Variants in CPEB3 observed in about 807,000 individuals in gnomAD.
CPEB3 encodes the protein cytoplasmic polyadenylation element-binding protein 3.
Under a neutral mutation model 67.2 loss-of-function variants are expected in CPEB3, and 20 were observed. The ratio of observed to expected loss-of-function variants is 0.30; its 90% confidence interval spans 0.21 to 0.43. CPEB3 has a LOEUF of 0.43. CPEB3 is among the 20% of genes least tolerant of loss of function. The pLI, the probability that CPEB3 is intolerant of heterozygous loss-of-function variation, is 1.00. For synonymous variants in CPEB3, 376 were observed against 393.1 expected, an observed-to-expected ratio of 0.96 and a Z score of 0.51; for missense variants, 746 against 968.6, an observed-to-expected ratio of 0.77 and a Z score of 3.05.
At chr10:92,191,917 T>C (rs1360819400) in intron 3 of CPEB3, among the ~76,000 whole-genome samples, 2 of 152,200 alleles carry the variant, frequency 1.3e-5, no homozygotes, top group East Asian at 3.8e-4. Flanking sequence ...TTCTGCCTTA[T>C]ATTTAACCCA....
intron 2 of CPEB3, among the ~76,000 whole-genome samples, chr10:92,226,096 C>CA (rs557862921): frequency 3.4e-5 from 5 of 148,982 alleles, no homozygotes; most frequent in East Asian, 3.9e-4. Context: ...GGCTCCATCT[C>CA]AAAAAAAAAA....
chr10:92,131,603 C>T (rs1364316825), intron 6 of CPEB3, among the ~76,000 whole-genome samples: 2 of 152,048 alleles, frequency 1.3e-5, no homozygotes, highest in Non-Finnish European at 2.9e-5. Flanking sequence ...TATAAGACAT[C>T]GTTGACTAAG....
At chr10:92,115,245 C>T (rs1007754172) in intron 6 of CPEB3, among the ~76,000 whole-genome samples, 1 of 152,220 alleles carries the variant, frequency 6.6e-6, no homozygotes, top group Non-Finnish European at 1.5e-5. Flanking sequence ...CCTCCGCCTC[C>T]CGGATTCAAG....
chr10:92,197,480 C>T (rs1849297635), intron 2 of CPEB3, among the ~76,000 whole-genome samples: 2 of 152,160 alleles, frequency 1.3e-5, no homozygotes. Context: ...ACCTGTTAGA[C>T]CTTTTTTTAT....
At chr10:92,267,262 CTCT>C (rs1456198365) in intron 1 of CPEB3, among the ~76,000 whole-genome samples, 2 of 152,288 alleles carry the variant, frequency 1.3e-5, no homozygotes, top group African/African-American at 4.8e-5. Flanking sequence ...TTGTTACATA[CTCT>C]TCTTGTTCTT....
At chr10:92,214,079 C>A (rs150218454) in intron 2 of CPEB3, among the ~76,000 whole-genome samples, 4 of 152,214 alleles carry the variant, frequency 2.6e-5, no homozygotes, top group African/African-American at 7.2e-5. Flanking sequence ...GTCACCCATC[C>A]CACCTGCTAT....
intron 7 of CPEB3, among the ~76,000 whole-genome samples, chr10:92,097,285 A>G (rs891668710): frequency 2.0e-4 from 31 of 152,364 alleles, no homozygotes; most frequent in African/African-American, 6.7e-4. Flanking sequence ...AGGCTAAATA[A>G]AATTATCTGC....
chr10:92,283,716 TTC>T (rs1277395424), intron 1 of CPEB3, among the ~76,000 whole-genome samples: 1 of 142,988 alleles, frequency 7.0e-6, no homozygotes, highest in African/African-American at 2.6e-5. Context: ...TTTTTTCTTT[TTC>T]TTTCTTTTTT....
At chr10:92,102,050 T>C (rs1159289040) in intron 7 of CPEB3, among the ~76,000 whole-genome samples, 2 of 152,236 alleles carry the variant, frequency 1.3e-5, no homozygotes, top group Non-Finnish European at 2.9e-5. Flanking sequence ...CACACTGATA[T>C]TGGCATCTCA....
chr10:92,069,069 C>T (rs1182469731), intron 9 of CPEB3, among the ~76,000 whole-genome samples: 1 of 152,178 alleles, frequency 6.6e-6, no homozygotes, highest in Non-Finnish European at 1.5e-5. Context: ...AGTCTGAGAA[C>T]AGGTCATCTC....
At chr10:92,225,739 C>CA (rs150002642) in intron 2 of CPEB3, among the ~76,000 whole-genome samples, 1 of 151,952 alleles carries the variant, frequency 6.6e-6, no homozygotes, top group Non-Finnish European at 1.5e-5. Flanking sequence ...TACACAGACA[C>CA]AAAAAAGAAA....
intron 2 of CPEB3, among the ~76,000 whole-genome samples, chr10:92,204,890 G>A (rs952817599): frequency 6.1e-5 from 9 of 147,984 alleles, no homozygotes; most frequent in South Asian, 2.1e-4. Context: ...ACCCAGGCTG[G>A]AGTAAAGTGG....
chr10:92,056,937 C>A (rs1452523291), intron 9 of CPEB3, among the ~76,000 whole-genome samples: 3 of 152,202 alleles, frequency 2.0e-5, no homozygotes, highest in Non-Finnish European at 4.4e-5. Context: ...CTTTTCCAGG[C>A]CCTACCTCCC....
intron 1 of CPEB3, among the ~76,000 whole-genome samples, chr10:92,282,586 T>A (rs1842346004): frequency 6.6e-6 from 1 of 151,948 alleles, no homozygotes; most frequent in Non-Finnish European, 1.5e-5. Context: ...CTCAGGAGGC[T>A]GAAGCAGGAG....
At chr10:92,280,367 A>AAAAG (rs1842216508) in intron 1 of CPEB3, among the ~76,000 whole-genome samples, 3 of 129,380 alleles carry the variant, frequency 2.3e-5, no homozygotes, top group Admixed American at 8.1e-5. Flanking sequence ...AAAAAAAAAA[A>AAAAG]AGAGAGAGAG....
intron 2 of CPEB3, among the ~76,000 whole-genome samples, chr10:92,228,244 A>G (rs1184720348): frequency 6.6e-6 from 1 of 152,224 alleles, no homozygotes; most frequent in Non-Finnish European, 1.5e-5. Flanking sequence ...CCACAAAATC[A>G]AATGCAAACA....
intron 3 of CPEB3, among the ~76,000 whole-genome samples, chr10:92,185,037 A>G (rs997382389): frequency 6.6e-6 from 1 of 152,218 alleles, no homozygotes; most frequent in Admixed American, 6.5e-5. Flanking sequence ...AGAAAAACTG[A>G]TTCCAAATTC....
rs1179382221 is a variant in CPEB3 at position 92,048,740 on chromosome 10, A to G, written c.*3472T>C. 2.0e-5 allele frequency: 3 copies of G among 152,676 alleles called. No homozygotes were observed. Among genetic ancestry groups the G allele is most frequent in the African/African-American group, 7.2e-5 (3 of 41,462 alleles). The allele number at this position is 152,676 out of a possible 1,614,324, so 9.5% of individuals were successfully genotyped here. ...TCGTTGTCACACTATTGTAAACCACATCAGCAAGTTAATACATAAAGCTTT... is the reference window on the plus strand; with the variant it reads ...TCGTTGTCACACTATTGTAAACCACGTCAGCAAGTTAATACATAAAGCTTT... On this transcript the variant is annotated 3_prime_UTR_variant, in exon 10 of 10. Coordinates refer to ENST00000265997, the MANE Select transcript of CPEB3 (RefSeq NM_014912.5). The surrounding 1 kb of genome is among the most constrained non-coding windows in gnomAD (Gnocchi z 4.1).
At chr10:92,234,904 G>A (rs1851453373) in intron 2 of CPEB3, among the ~76,000 whole-genome samples, 2 of 152,118 alleles carry the variant, frequency 1.3e-5, no homozygotes, top group South Asian at 2.1e-4. Flanking sequence ...CAATCTGGGC[G>A]ACAGAGCACG....
Sources: gnomAD v4.1 joint callset for allele counts (sites outside exome capture counted in the v4.1 genomes callset) on GRCh38, gnomAD v4.1.1 for gene constraint, Gnocchi (gnomAD v3.1) non-coding constraint, MANE v1.5 for transcripts, NCBI Gene and HGNC (gene_info 2026-07-23, HGNC 2026-07-21) for gene names.